MYCBP2: variants seen among roughly 807,000 people sequenced by gnomAD.
MYCBP2 encodes MYC binding protein 2, also known as E3 ubiquitin-protein ligase MYCBP2.
Under a neutral mutation model 525.3 loss-of-function variants are expected in MYCBP2, and 120 were observed. The ratio of observed to expected loss-of-function variants is 0.23; its 90% confidence interval spans 0.20 to 0.27. The LOEUF (loss-of-function observed/expected upper bound fraction) is 0.27. Among genes scored for constraint, MYCBP2 ranks in the 10% least tolerant of loss-of-function variants. MYCBP2 has a pLI of 1.00. For synonymous variants in MYCBP2, 1,894 were observed against 1,955.8 expected (o/e 0.97, Z 0.83); for missense variants, 4,149 against 5,657.1 (o/e 0.73, Z 8.55).
chr13:77,110,739 A>C (rs527485895), intron 55 of MYCBP2, among the ~76,000 whole-genome samples: 1 of 152,082 alleles, frequency 6.6e-6, no homozygotes, highest in Admixed American at 6.5e-5. Flanking sequence ...TTTTTCTCAG[A>C]CTGGCCAATG....
In MYCBP2 at chr13:77,055,787, C is replaced by A; in HGVS notation, c.13438-20G>T. ...TTTGTTCTGCAATAAAAAATGAACA[C>A]TCTTTAGCAGAATCATTTATTAACC... On this transcript the variant is annotated intron_variant, in intron 79 of 82. Transcript: ENST00000544440. The A allele has an allele frequency of 6.4e-7, 1 of 1,556,246 alleles. No individual in the cohort carries two copies. Among genetic ancestry groups the A allele is most frequent in the Non-Finnish European group, 8.8e-7 (1 of 1,133,674 alleles).
At chr13:77,082,943 A>T in intron 63 of MYCBP2, 89 bp downstream of exon 63, 1 of 1,314,450 alleles carries the variant, frequency 7.6e-7, no homozygotes, top group Non-Finnish European at 1.0e-6. Flanking sequence ...CTTACTATTT[A>T]AAGAGCTTTT....
At position 77,058,150 on chromosome 13, in the gene MYCBP2, T is replaced by C; in HGVS notation, c.13329+68A>G. The C allele has an allele frequency of 6.5e-7, 1 of 1,541,980 alleles. No homozygotes were observed. Among genetic ancestry groups the C allele is most frequent in the Non-Finnish European group, 8.8e-7 (1 of 1,133,844 alleles). On this transcript the variant is annotated intron_variant, in intron 78 of 82. Transcript: ENST00000544440. This position sits in a 1 kb window ranked among gnomAD's most constrained non-coding sequence, Gnocchi z 4.1. Reference sequence around the variant, plus strand: ...CCACTGCGCCCGGCCTCAATCAATGTTTATTTGACAAATATATTCCCCATC... The same window carrying C: ...CCACTGCGCCCGGCCTCAATCAATGCTTATTTGACAAATATATTCCCCATC...
chr13:77,061,740 G>A lies in MYCBP2; in HGVS notation c.12825C>T (p.Cys4275=), dbSNP rs750719931. Residue 4275 remains cysteine, a synonymous_variant, in exon 75 of 83, where the codon TGC becomes TGT. Coordinates refer to ENST00000544440, the MANE Select transcript of MYCBP2 (RefSeq NM_015057.5). The part of the protein sequence containing the change: ...DDGETAAIIL[C]NVCGNLCTDC... ...CTGTACATAAATTTCCACAGACATTGCATAAAATGATTGCTGCAGTTTCAC... is the reference window on the plus strand; with the variant it reads ...CTGTACATAAATTTCCACAGACATTACATAAAATGATTGCTGCAGTTTCAC... 6.2e-7 allele frequency: 1 copy of A among 1,610,086 alleles called. No homozygotes were observed.
At chr13:77,276,056 A>G (rs2154348994) in intron 4 of MYCBP2, among the ~76,000 whole-genome samples, 1 of 152,352 alleles carries the variant, frequency 6.6e-6, no homozygotes, top group African/African-American at 2.4e-5. Context: ...GTAATTATAC[A>G]CATATCCAAC....
At chr13:77,052,488 A>T (rs1019288859) in intron 80 of MYCBP2, among the ~76,000 whole-genome samples, 2 of 152,232 alleles carry the variant, frequency 1.3e-5, no homozygotes, top group African/African-American at 4.8e-5. Flanking sequence ...CATGAGCCAC[A>T]TGCCTGGCCT....
intron 26 of MYCBP2, among the ~76,000 whole-genome samples, chr13:77,197,682 G>T (rs1409542030): frequency 6.6e-6 from 1 of 151,764 alleles, no homozygotes; most frequent in African/African-American, 2.4e-5. Context: ...GGTGGAAGGG[G>T]ATGAACCTAC....
At chr13:77,070,037 T>C (rs936677809) in intron 69 of MYCBP2, among the ~76,000 whole-genome samples, 12 of 152,130 alleles carry the variant, frequency 7.9e-5, no homozygotes, top group Non-Finnish European at 1.6e-4. Flanking sequence ...ACACTGTTAA[T>C]TGCTCAGCCA....
At chr13:77,077,411 G>A in intron 66 of MYCBP2, 24 bp from the exon 67 acceptor site, 1 of 1,612,618 alleles carries the variant, frequency 6.2e-7, no homozygotes, top group Non-Finnish European at 8.5e-7. Flanking sequence ...AAAGAGGCAG[G>A]AACCTGATTC....
rs751007875 is a variant in MYCBP2 at position 77,081,473 on chromosome 13, T to C, written c.11372A>G (p.Asn3791Ser). The C allele has an allele frequency of 2.5e-6, 4 of 1,612,838 alleles. No individual in the cohort carries two copies. Among genetic ancestry groups the C allele is most frequent in the African/African-American group, 1.3e-5 (1 of 75,006 alleles). ...CACGTGAACAGACACATAGCGGGCA[T>C]TGATTCCTTTTACACAGTTGATGGT... is the stretch of plus-strand genomic sequence containing the variant. Reference protein sequence around the residue: ...NITINCVKGINARYVSVHVDN... With the variant: ...NITINCVKGISARYVSVHVDN... Residue 3791 changes from asparagine to serine, a missense_variant, in exon 65 of 83, where the codon AAT becomes AGT. Around this residue, in one of 21 missense-constraint regions of MYCBP2, gnomAD observed 509 missense variants for 789.4 expected, o/e 0.64. Coordinates refer to ENST00000544440, the MANE Select transcript of MYCBP2 (RefSeq NM_015057.5). This position sits in a 1 kb window ranked among gnomAD's most constrained non-coding sequence, Gnocchi z 4.6.
chr13:77,177,727 T>C, intron 35 of MYCBP2, 21 bp downstream of exon 35: 1 of 1,584,966 alleles, frequency 6.3e-7, no homozygotes, highest in Non-Finnish European at 8.7e-7. Context: ...TCAGGATAAA[T>C]ACTAAAAGGG....
At chr13:77,259,754 G>A (rs2072927116) in intron 13 of MYCBP2, among the ~76,000 whole-genome samples, 1 of 152,082 alleles carries the variant, frequency 6.6e-6, no homozygotes, top group South Asian at 2.1e-4. Context: ...GAAACTCAAA[G>A]GCTTTACATA....
In MYCBP2 at chr13:77,066,457, T is replaced by C. The variant is rs113244816; in HGVS notation, c.12456-369A>G. Among the ~76,000 whole-genome samples, 312 of 152,348 alleles carry C rather than the reference T, an allele frequency of 2.0e-3. 2 individuals are homozygous for C. The highest frequency in any genetic ancestry group is 5.5e-3 in the African/African-American group (227 of 41,586). ...TATTTAGTTCAGCTGACTTTTTTCCTAGCAAGACTACAGGAAAGAAGTGAT... is the reference window on the plus strand; with the variant it reads ...TATTTAGTTCAGCTGACTTTTTTCCCAGCAAGACTACAGGAAAGAAGTGAT... On this transcript the variant is annotated intron_variant, in intron 71 of 82. Transcript: ENST00000544440.
intron 19 of MYCBP2, 110 bp from the exon 20 acceptor site, chr13:77,224,642 T>C (rs2066012593): frequency 7.0e-6 from 4 of 568,290 alleles, no homozygotes; most frequent in Non-Finnish European, 1.2e-5. Context: ...ATAGAACCAT[T>C]AAAAATAGGT....
chr13:77,077,645 A>C, intron 66 of MYCBP2: 4 of 378,124 alleles, frequency 1.1e-5, no homozygotes, highest in Non-Finnish European at 1.9e-5. Context: ...ATTGAGAATT[A>C]AAATCCAGGC....
intron 44 of MYCBP2, among the ~76,000 whole-genome samples, chr13:77,160,375 G>C (rs919534358): frequency 6.6e-6 from 1 of 152,132 alleles, no homozygotes; most frequent in Non-Finnish European, 1.5e-5. Context: ...AATTCATTGG[G>C]TTGCTGTGGG....
chr13:77,215,056 T>A lies in MYCBP2; in HGVS notation c.3057+2784A>T, dbSNP rs77775046. On this transcript the variant is annotated intron_variant, in intron 21 of 82. Transcript: ENST00000544440. The stretch of plus-strand genomic sequence containing the variant: ...CAATGACATTCATTACCTCCAAGTA[T>A]GGAATGAAAGGTGTGGGGAGGCAGG... Among the ~76,000 whole-genome samples the A allele has an allele frequency of 4.6e-4, 70 of 152,174 alleles. No homozygotes were observed. In the East Asian group the frequency reaches 0.012, roughly 27 times the overall value.
chr13:77,196,838 G>A (rs1042423705), intron 26 of MYCBP2, among the ~76,000 whole-genome samples: 1 of 152,232 alleles, frequency 6.6e-6, no homozygotes, highest in South Asian at 2.1e-4. Flanking sequence ...GGTCAGAGAA[G>A]AGGTTTATAA....
chr13:77,212,541 T>C lies in MYCBP2; in HGVS notation c.3058-381A>G, dbSNP rs141282908. ...CATTTAAAAAGTCACTTTGACATAG[T>C]AAGTTGATAGTATAAAAGAAAGTCA... On this transcript the variant is annotated intron_variant, in intron 21 of 82. Transcript: ENST00000544440. 8.7e-3 allele frequency among the ~76,000 whole-genome samples: 1,329 copies of C among 152,302 alleles called. 22 individuals carry two copies. The highest frequency in any genetic ancestry group is 0.03 in the African/African-American group (1,238 of 41,568).
Sources: gnomAD v4.1 joint callset for allele counts (sites outside exome capture counted in the v4.1 genomes callset) on GRCh38, gnomAD v4.1.1 for gene constraint, gnomAD v4.1.1 regional missense constraint, Gnocchi (gnomAD v3.1) non-coding constraint, MANE v1.5 for transcripts, NCBI Gene and HGNC (gene_info 2026-07-23, HGNC 2026-07-21) for gene names.